The following ZNF664 variants were observed in gnomAD, a reference collection of about 807,000 sequenced individuals.
ZNF664 encodes the protein zinc finger protein 664.
In ZNF664, 10 loss-of-function variants were observed where a neutral mutation model predicts 18.2. The observed-to-expected ratio is 0.55, with a 90% CI of 0.34 to 0.93. The LOEUF (loss-of-function observed/expected upper bound fraction) is 0.93, where lower values mean the gene tolerates loss of function less well. Ranked by LOEUF, ZNF664 falls within the 40% of genes least tolerant of loss-of-function variation. The pLI is 0.02. For missense variants in ZNF664, 193 were observed against 319.0 expected (o/e 0.61, Z 3.01); for synonymous variants, 119 against 104.2 (o/e 1.14, Z -0.86).
At chr12:124,000,784 C>CA (rs934318772) in intron 3 of ZNF664, among the ~76,000 whole-genome samples, 4 of 152,176 alleles carry the variant, frequency 2.6e-5, no homozygotes, top group African/African-American at 9.7e-5. Context: ...CTTTCAAACT[C>CA]AGTCATTAAA....
At chr12:123,993,192 G>A (rs977167076) in intron 3 of ZNF664, among the ~76,000 whole-genome samples, 1 of 152,162 alleles carries the variant, frequency 6.6e-6, no homozygotes, top group Non-Finnish European at 1.5e-5. Flanking sequence ...GACCCTACAA[G>A]GTGGAGCTTC....
chr12:123,989,264 T>A (rs1956861242), intron 3 of ZNF664: 1 of 152,432 alleles, frequency 6.6e-6, no homozygotes, highest in South Asian at 2.1e-4. Context: ...CTTGACCACC[T>A]CTCTTCCTTT....
rs140629476 is a variant in ZNF664 at position 124,013,292 on chromosome 12, C to A, written c.*362C>A. On this transcript the variant is annotated 3_prime_UTR_variant, in exon 5 of 5. Coordinates refer to ENST00000337815, the MANE Select transcript of ZNF664 (RefSeq NM_152437.3). The stretch of plus-strand genomic sequence containing the variant: ...TTGCTTAAAAGCTATCCCAGATACT[C>A]CCCCTTGAGGAGCTCATGCCCTTCC... The A allele has an allele frequency of 1.1e-5, 3 of 267,344 alleles. No homozygotes were observed. The highest frequency in any genetic ancestry group is 4.5e-5 in the African/African-American group (2 of 44,486). The allele number at this position is 267,344 out of a possible 1,614,324, so 16.6% of individuals were successfully genotyped here.
chr12:123,997,564 C>T (rs1956964559), intron 3 of ZNF664: 1 of 152,308 alleles, frequency 6.6e-6, no homozygotes, highest in Non-Finnish European at 1.5e-5. Flanking sequence ...CCCACGTGGC[C>T]TTTTTCCCTG....
In ZNF664 at chr12:124,012,697, A is replaced by G; in HGVS notation, c.553A>G (p.Ser185Gly). Residue 185 changes from serine (S) to glycine (G), a missense_variant, in exon 5 of 5, where the codon AGC (serine) becomes GGC (glycine). Ser to Gly is a moderately conservative substitution (Grantham distance 56). This residue lies in a region of ZNF664 where 61 missense variants were observed against 153.7 expected (regional missense o/e 0.40). Transcript: ENST00000337815. The stretch of plus-strand genomic sequence containing the variant: ...TGGGAAGGCGTTCAGTCAGAGTTCG[A>G]GCCTCTGCATCCACCAGAGAGTCCA... Reference protein sequence around the residue: ...ECGKAFSQSSSLCIHQRVHTG... With the variant: ...ECGKAFSQSSGLCIHQRVHTG... 6.2e-7 allele frequency: 1 copy of G among 1,614,176 alleles called. No homozygotes were observed. Among genetic ancestry groups the G allele is most frequent in the Non-Finnish European group, 8.5e-7 (1 of 1,180,002 alleles).
chr12:124,012,879 C>A lies in ZNF664; in HGVS notation c.735C>A (p.His245Gln). The A allele has an allele frequency of 6.2e-7, 1 of 1,614,128 alleles. No individual in the cohort carries two copies. Among genetic ancestry groups the A allele is most frequent in the Non-Finnish European group, 8.5e-7 (1 of 1,180,012 alleles). The change falls in exon 5 of 5, where the codon CAC becomes CAA. Residue 245 changes from histidine (H) to glutamine (Q), a missense_variant. By Grantham distance (24) the His-to-Gln change is conservative (BLOSUM62 0). Around this residue, in one of 3 missense-constraint regions of ZNF664, gnomAD observed 42 missense variants for 46.4 expected, o/e 0.91. Coordinates refer to ENST00000337815, the MANE Select transcript of ZNF664 (RefSeq NM_152437.3). ...GTCAGAGTACGAGCCTCTGCATCCA[C>A]CAGAGAGTCCACACAAAGGAGAGAA... ...AFSQSTSLCI[H>Q]QRVHTKERNH...
chr12:124,002,640 C>G (rs1457647336), intron 3 of ZNF664, among the ~76,000 whole-genome samples: 1 of 151,934 alleles, frequency 6.6e-6, no homozygotes, highest in Non-Finnish European at 1.5e-5. Flanking sequence ...GTGATTTGCA[C>G]TGGTGGGGCT....
chr12:123,979,371 G>A (rs1956733374), intron 2 of ZNF664, among the ~76,000 whole-genome samples: 1 of 152,160 alleles, frequency 6.6e-6, no homozygotes, highest in Admixed American at 6.5e-5. Flanking sequence ...TTTGTTGGGA[G>A]GAGGGCATCA....
intron 3 of ZNF664, among the ~76,000 whole-genome samples, chr12:124,005,419 G>A (rs1957059585): frequency 6.6e-6 from 1 of 150,626 alleles, no homozygotes; most frequent in African/African-American, 2.5e-5. Flanking sequence ...ATATAATACA[G>A]TTGTCTATCT....
At chr12:124,001,300 AT>A in intron 3 of ZNF664, among the ~76,000 whole-genome samples, 1 of 152,268 alleles carries the variant, frequency 6.6e-6, no homozygotes, top group Non-Finnish European at 1.5e-5. Flanking sequence ...CCATCCTTTA[AT>A]TTCTGTACTT....
chr12:124,007,292 G>A (rs1957083832), intron 3 of ZNF664, among the ~76,000 whole-genome samples: 1 of 152,190 alleles, frequency 6.6e-6, no homozygotes, highest in African/African-American at 2.4e-5. Flanking sequence ...CCCTGTCAGG[G>A]ACCTTGGTAT....
At chr12:124,006,847 C>T (rs1042805246) in intron 3 of ZNF664, among the ~76,000 whole-genome samples, 9 of 152,122 alleles carry the variant, frequency 5.9e-5, no homozygotes, top group African/African-American at 1.7e-4. Context: ...GAGGGACTTG[C>T]AGTCATGTGG....
At chr12:123,977,320 A>G (rs1956705560) in intron 2 of ZNF664, among the ~76,000 whole-genome samples, 1 of 152,156 alleles carries the variant, frequency 6.6e-6, no homozygotes, top group Admixed American at 6.6e-5. Context: ...ATGAAGGGAA[A>G]TATTTGTAGA....
In ZNF664 at chr12:124,012,893, C is replaced by G. The variant is rs757623423; in HGVS notation, c.749C>G (p.Thr250Arg). The part of the protein sequence containing the change: ...TSLCIHQRVH[T>R]KERNHLKISV... The stretch of plus-strand genomic sequence containing the variant: ...CTCTGCATCCACCAGAGAGTCCACA[C>G]AAAGGAGAGAAACCATCTCAAAATA... The change falls in exon 5 of 5, where the codon ACA (threonine) becomes AGA (arginine). Residue 250 changes from threonine to arginine, a missense_variant. Thr to Arg is a moderately conservative substitution (Grantham distance 71). Transcript: ENST00000337815. The G allele has an allele frequency of 6.2e-7, 1 of 1,614,106 alleles. No individual in the cohort carries two copies. Among genetic ancestry groups the G allele is most frequent in the Admixed American group, 1.7e-5 (1 of 60,028 alleles).
At position 124,001,465 on chromosome 12, in the gene ZNF664, G is replaced by A. The variant is rs139787831; in HGVS notation, c.-660-9916G>A. 2.4e-3 allele frequency among the ~76,000 whole-genome samples: 360 copies of A among 152,190 alleles called. 3 individuals carry two copies. Among genetic ancestry groups the A allele is most frequent in the African/African-American group, 8.3e-3 (344 of 41,542 alleles). On this transcript the variant is annotated intron_variant, in intron 3 of 4. Coordinates refer to ENST00000337815, the MANE Select transcript of ZNF664 (RefSeq NM_152437.3). ...TCTGGCACTGAGCGTCTCCAGCCCC[G>A]CTGGCCCTGTTCTGTCCCGTGCTTG... is the stretch of plus-strand genomic sequence containing the variant.
At chr12:123,997,222 C>A (rs1009234676) in intron 3 of ZNF664, among the ~76,000 whole-genome samples, 2 of 152,120 alleles carry the variant, frequency 1.3e-5, no homozygotes, top group African/African-American at 4.8e-5. Context: ...TTCAGCATCA[C>A]CAAAGAATAA....
Position 123,973,319 on chromosome 12 carries a change from C to A in ZNF664, c.-925C>A, listed in dbSNP as rs1212495059. 6.0e-6 allele frequency: 5 copies of A among 828,188 alleles called. No individual in the cohort carries two copies. The African/African-American group carries it at 9.6e-5, about 16-fold the overall frequency. The allele number at this position is 828,188 out of a possible 1,614,324, so 51.3% of individuals were successfully genotyped here. A position where few individuals can be genotyped will look rare whatever the true frequency, so the allele number is the denominator to read the frequency against. ...GGAGAGGGAGGTGGGTGCGCGGCGC[C>A]CGCGGCCTGGGGCGCTGACTCCCCT... On this transcript the variant is annotated 5_prime_UTR_variant, in exon 1 of 5. Coordinates refer to ENST00000337815, the MANE Select transcript of ZNF664 (RefSeq NM_152437.3).
At chr12:123,982,279 C>A (rs1049852426) in intron 2 of ZNF664, among the ~76,000 whole-genome samples, 1 of 152,154 alleles carries the variant, frequency 6.6e-6, no homozygotes, top group Non-Finnish European at 1.5e-5. Flanking sequence ...AAGTGCCTGC[C>A]AAGGTAACAG....
chr12:124,006,047 C>T (rs1274870220), intron 3 of ZNF664: 1 of 152,492 alleles, frequency 6.6e-6, no homozygotes, highest in Non-Finnish European at 1.5e-5. Flanking sequence ...TGGACATAAT[C>T]TGATGTCAAG....
Sources: allele counts gnomAD v4.1 joint callset (sites outside exome capture counted in the v4.1 genomes callset), GRCh38; gene constraint gnomAD v4.1.1; regional missense constraint gnomAD v4.1.1; transcripts MANE v1.5; gene names NCBI Gene and HGNC (gene_info 2026-07-23, HGNC 2026-07-21).